CNTNAP2: variants seen among roughly 807,000 people sequenced by gnomAD.
CNTNAP2 encodes the protein contactin associated protein 2.
In CNTNAP2, 98 loss-of-function variants were observed where a neutral mutation model predicts 155.2. That is an observed-to-expected ratio of 0.63 (90% CI 0.54 to 0.75). CNTNAP2 has a LOEUF of 0.75. Ranked by LOEUF, CNTNAP2 falls within the 30% of genes least tolerant of loss-of-function variation. The probability of loss-of-function intolerance (pLI) is 0.00; values close to 1 mark genes in which losing one functional copy is unlikely to be tolerated. For synonymous variants in CNTNAP2, 651 were observed against 631.2 expected (o/e 1.03, Z -0.47); for missense variants, 1,727 against 1,688.1 (o/e 1.02, Z -0.40).
intron 8 of CNTNAP2, among the ~76,000 whole-genome samples, chr7:147,138,382 A>G (rs1384361876): frequency 6.6e-6 from 1 of 151,988 alleles, no homozygotes; most frequent in East Asian, 1.9e-4. Context: ...ACATATCTAA[A>G]ACATATTTTG....
intron 8 of CNTNAP2, among the ~76,000 whole-genome samples, chr7:147,190,249 TGTG>T (rs1420132893): frequency 7.2e-5 from 11 of 152,192 alleles, no homozygotes; most frequent in African/African-American, 2.7e-4. Flanking sequence ...CTAGTCATGT[TGTG>T]GTGTAATTAA....
intron 15 of CNTNAP2, among the ~76,000 whole-genome samples, chr7:148,029,235 A>G (rs1315454960): frequency 6.6e-6 from 1 of 152,086 alleles, no homozygotes; most frequent in East Asian, 1.9e-4. Flanking sequence ...CACACGCACA[A>G]CTCCAAAGTT....
At chr7:147,551,816 CTTT>C (rs1799858476) in intron 11 of CNTNAP2, among the ~76,000 whole-genome samples, 2 of 152,148 alleles carry the variant, frequency 1.3e-5, no homozygotes, top group African/African-American at 4.8e-5. Context: ...TTTGAATCTT[CTTT>C]TAACTCTGAC....
chr7:148,396,883 T>C (rs1172876067), intron 22 of CNTNAP2, among the ~76,000 whole-genome samples: 1 of 152,196 alleles, frequency 6.6e-6, no homozygotes, highest in Admixed American at 6.5e-5. Context: ...CATATGAATG[T>C]GGGGTACAGT....
chr7:147,451,886 T>C (rs1797840555), intron 10 of CNTNAP2, among the ~76,000 whole-genome samples: 3 of 152,340 alleles, frequency 2.0e-5, no homozygotes, highest in South Asian at 4.1e-4. Context: ...ATATGTGCTA[T>C]GACACAGGGC....
chr7:146,397,704 C>T (rs1393461516), intron 1 of CNTNAP2, among the ~76,000 whole-genome samples: 1 of 152,038 alleles, frequency 6.6e-6, no homozygotes, highest in Non-Finnish European at 1.5e-5. Context: ...AATTTATACC[C>T]ATACCAGTTT....
intron 1 of CNTNAP2, among the ~76,000 whole-genome samples, chr7:146,353,985 A>G (rs749253407): frequency 6.6e-6 from 1 of 152,208 alleles, no homozygotes; most frequent in Non-Finnish European, 1.5e-5. Context: ...TATTAACGTT[A>G]GCTAAGTCAC....
chr7:147,333,769 T>C (rs826793), intron 9 of CNTNAP2, among the ~76,000 whole-genome samples: 54,355 of 152,000 alleles, frequency 0.36, 10,150 homozygotes, highest in African/African-American at 0.45. Flanking sequence ...ATCACATAAA[T>C]AATGCCATAA....
chr7:147,828,143 T>C (rs1369200623), intron 13 of CNTNAP2, among the ~76,000 whole-genome samples: 2 of 152,214 alleles, frequency 1.3e-5, no homozygotes, highest in African/African-American at 4.8e-5. Flanking sequence ...GATATGAAGA[T>C]GTGCTTCCAG....
intron 9 of CNTNAP2, among the ~76,000 whole-genome samples, chr7:147,365,786 T>G (rs1163626951): frequency 1.3e-5 from 2 of 152,222 alleles, no homozygotes; most frequent in Non-Finnish European, 2.9e-5. Context: ...ACCCACTGTT[T>G]CCCATTGCTT....
intron 8 of CNTNAP2, among the ~76,000 whole-genome samples, chr7:147,212,667 G>A (rs949154783): frequency 2.6e-5 from 4 of 152,080 alleles, no homozygotes; most frequent in African/African-American, 7.2e-5. Context: ...GGGATCAGTT[G>A]TATCCCAAAC....
intron 1 of CNTNAP2, among the ~76,000 whole-genome samples, chr7:146,641,953 C>A (rs886199124): frequency 6.6e-5 from 10 of 151,948 alleles, no homozygotes; most frequent in Non-Finnish European, 1.5e-4. Flanking sequence ...TTAAAATTAG[C>A]ACTAGTTTGT....
chr7:148,294,806 G>C (rs1016066489), intron 21 of CNTNAP2, among the ~76,000 whole-genome samples: 1 of 151,980 alleles, frequency 6.6e-6, no homozygotes, highest in Non-Finnish European at 1.5e-5. Flanking sequence ...ACATACTTGA[G>C]GTGGCAAAAA....
chr7:148,172,510 T>C (rs1430850582), intron 18 of CNTNAP2, 32 bp downstream of exon 18: 3 of 1,581,214 alleles, frequency 1.9e-6, no homozygotes, highest in African/African-American at 1.3e-5. Context: ...GAGCCACTTT[T>C]GCGTGTCTTT....
chr7:148,067,887 A>G (rs10278566), intron 15 of CNTNAP2, among the ~76,000 whole-genome samples: 7,596 of 152,162 alleles, frequency 0.05, 406 homozygotes, highest in East Asian at 0.29. Flanking sequence ...CAGGGGGATT[A>G]TGGCTGCTCT....
At chr7:146,938,316 C>T (rs576144914) in intron 3 of CNTNAP2, among the ~76,000 whole-genome samples, 101 of 151,678 alleles carry the variant, frequency 6.7e-4, no homozygotes, top group African/African-American at 1.7e-3. Flanking sequence ...ATAGATACAG[C>T]GCTTTATATG....
At chr7:147,685,992 G>A (rs1175916487) in intron 13 of CNTNAP2, among the ~76,000 whole-genome samples, 2 of 151,960 alleles carry the variant, frequency 1.3e-5, no homozygotes, top group African/African-American at 2.4e-5. Context: ...AATTAAAGGG[G>A]ATGTTGACTT....
intron 1 of CNTNAP2, among the ~76,000 whole-genome samples, chr7:146,283,291 C>T (rs1048096294): frequency 3.9e-5 from 6 of 152,184 alleles, no homozygotes; most frequent in African/African-American, 1.2e-4. Context: ...ACAGATCAGA[C>T]AATTCCAAAT....
intron 4 of CNTNAP2, among the ~76,000 whole-genome samples, chr7:147,052,632 T>C (rs2129259223): frequency 6.6e-6 from 1 of 152,212 alleles, no homozygotes; most frequent in Admixed American, 6.5e-5. Context: ...ACTTGTATTA[T>C]TATTTCTGGT....
Sources: gnomAD v4.1 joint callset for allele counts (sites outside exome capture counted in the v4.1 genomes callset) on GRCh38, gnomAD v4.1.1 for gene constraint, MANE v1.5 for transcripts, NCBI Gene and HGNC (gene_info 2026-07-23, HGNC 2026-07-21) for gene names.